Variants in TTN observed in about 807,000 individuals in gnomAD.
TTN encodes the protein titin, also known as connectin.
A neutral mutation model predicts 3,223.0 loss-of-function variants in TTN; 1,525 were observed. The observed-to-expected ratio is 0.47, with a 90% CI of 0.45 to 0.49. The LOEUF (loss-of-function observed/expected upper bound fraction) is 0.49, where lower values mean the gene tolerates loss of function less well. TTN is among the 20% of genes least tolerant of loss of function. The pLI is 0.00. For missense variants in TTN, 40,786 were observed against 43,424.0 expected (o/e 0.94, Z 5.40); for synonymous variants, 14,094 against 15,161.0 (o/e 0.93, Z 5.17).
At chr2:178,642,432 G>C in intron 218 of TTN, 115 bp from the exon 219 acceptor site, 1 of 820,274 alleles carries the variant, frequency 1.2e-6, no homozygotes, top group Non-Finnish European at 1.9e-6. Flanking sequence ...AACAATTTTC[G>C]CTGCATATAA....
chr2:178,676,573 A>G (rs1010477850), intron 147 of TTN, among the ~76,000 whole-genome samples: 4 of 151,850 alleles, frequency 2.6e-5, no homozygotes, highest in Non-Finnish European at 5.9e-5. Flanking sequence ...ACCTTACTTT[A>G]TTTAATTCTC....
At position 178,672,666 on chromosome 2, in the gene TTN, A is replaced by G. The variant is rs373476883; in HGVS notation, c.34824T>C (p.Pro11608=). ...CTGGGGGTGCCTCTTTTTTCTGAACAGGAACAGGTACTTTTTCCTCAGGAA... is the reference window on the plus strand; with the variant it reads ...CTGGGGGTGCCTCTTTTTTCTGAACGGGAACAGGTACTTTTTCCTCAGGAA... ...KKIPEEKVPV[P]VQKKEAPPAK... The change falls in exon 153 of 363, where the codon CCT becomes CCC. Residue 11608 remains proline (P), a synonymous_variant. Coordinates refer to ENST00000589042, the MANE Select transcript of TTN (RefSeq NM_001267550.2). 2.6e-5 allele frequency: 42 copies of G among 1,609,954 alleles called. No individual in the cohort carries two copies. The highest frequency in any genetic ancestry group is 4.0e-5 in the African/African-American group (3 of 74,780).
chr2:178,559,649 T>C lies in TTN; in HGVS notation c.86483A>G (p.Gln28828Arg), dbSNP rs1412211195. The change falls in exon 326 of 363, where the codon CAG (glutamine) becomes CGG (arginine). Residue 28828 changes from glutamine (Q) to arginine (R), a missense_variant. Coordinates refer to ENST00000589042, the MANE Select transcript of TTN (RefSeq NM_001267550.2). The stretch of plus-strand genomic sequence containing the variant: ...CAGTGAAGCAGCACTCAAAACATTC[T>C]GAATTGTTAATGTGTACTTTCCAGA... ...NDSGKYTLTI[Q>R]NVLSAASLTL... The C allele has an allele frequency of 1.2e-6, 2 of 1,613,538 alleles. No individual in the cohort carries two copies. The highest frequency in any genetic ancestry group is 4.5e-5 in the East Asian group (2 of 44,880).
chr2:178,756,099 G>A (rs1300869374), intron 46 of TTN, 123 bp downstream of exon 46: 1 of 745,878 alleles, frequency 1.3e-6, no homozygotes, highest in African/African-American at 1.8e-5. Context: ...AGTCACTTAT[G>A]AATAGGGTGC....
chr2:178,768,198 T>C, intron 38 of TTN, 43 bp from the exon 39 acceptor site: 1 of 1,596,178 alleles, frequency 6.3e-7, no homozygotes, highest in Non-Finnish European at 8.6e-7. Flanking sequence ...TTAACAGCTT[T>C]ATTGAGATAT....
chr2:178,696,316 A>G, intron 113 of TTN, 47 bp from the exon 114 acceptor site: 1 of 1,412,312 alleles, frequency 7.1e-7, no homozygotes, highest in Non-Finnish European at 9.3e-7. Context: ...TATCCATCCA[A>G]CTGCTTCACT....
At position 178,735,950 on chromosome 2, in the gene TTN, A is replaced by G. The variant is rs1261358878; in HGVS notation, c.14496T>C (p.Gly4832=). Residue 4832 remains glycine (G), a synonymous_variant, in exon 50 of 363, where the codon GGT becomes GGC. Transcript: ENST00000589042. ...PVIETIWQKD[G]AALSPSPNWR... The stretch of plus-strand genomic sequence containing the variant: ...AGTTAGGTGAAGGTGAGAGTGCAGC[A>G]CCATCTTTCTGCCAAATGGTTTCTA... 6.2e-7 allele frequency: 1 copy of G among 1,613,760 alleles called. No homozygotes were observed. Among genetic ancestry groups the G allele is most frequent in the African/African-American group, 1.3e-5 (1 of 74,922 alleles).
rs371580084 is a variant in TTN, at chr2:178,663,698, G to C, written c.36461C>G (p.Pro12154Arg). The C allele has an allele frequency of 3.8e-4, 616 of 1,613,520 alleles. No individual in the cohort carries two copies. The highest frequency in any genetic ancestry group is 5.8e-4 in the Admixed American group (35 of 59,958). The change falls in exon 171 of 363, where the codon CCC (proline) becomes CGC (arginine). Residue 12154 changes from proline (P) to arginine (R), a missense_variant. By Grantham distance (103) the Pro-to-Arg change is moderately radical (BLOSUM62 -2). Coordinates refer to ENST00000589042, the MANE Select transcript of TTN (RefSeq NM_001267550.2). The stretch of plus-strand genomic sequence containing the variant: ...TTTCTTTTCAGGAACTACTTCTTTG[G>C]GAGGCTCTGGTACTTAAAAGATATT... ...EVPPVKVPEP[P>R]KEVVPEKKAP...
At chr2:178,744,923 C>G (rs958494304) in intron 47 of TTN, 1 of 984,944 alleles carries the variant, frequency 1.0e-6, no homozygotes, top group East Asian at 1.1e-4. Context: ...CACAATTGGT[C>G]CCTTGAAGCC....
Position 178,592,523 on chromosome 2 carries a change from G to A in TTN, c.59482C>T (p.Pro19828Ser). 6.2e-7 allele frequency: 1 copy of A among 1,613,458 alleles called. No individual in the cohort carries two copies. The highest frequency in any genetic ancestry group is 8.5e-7 in the Non-Finnish European group (1 of 1,179,578). The change falls in exon 301 of 363, where the codon CCA becomes TCA. Residue 19828 changes from proline (P) to serine (S), a missense_variant. Physicochemically the swap from Pro to Ser is moderately conservative, Grantham distance 74 (BLOSUM62 -1). Coordinates refer to ENST00000589042, the MANE Select transcript of TTN (RefSeq NM_001267550.2). The part of the protein sequence containing the change: ...VTWKKEDRDA[P>S]TKARIDVTPV... Reference sequence around the variant, plus strand: ...GTCACATCAATTCTTGCTTTAGTTGGAGCATCTCTGTCTTCTTTTTTCCAA... The same window carrying A: ...GTCACATCAATTCTTGCTTTAGTTGAAGCATCTCTGTCTTCTTTTTTCCAA...
chr2:178,778,180 G>A (rs568575326), intron 24 of TTN: 1 of 674,518 alleles, frequency 1.5e-6, no homozygotes, highest in Non-Finnish European at 2.4e-6. Context: ...CTCAATTTTA[G>A]CTGGTAGTCA....
chr2:178,554,173 G>A lies in TTN; in HGVS notation c.88938C>T (p.Thr29646=), dbSNP rs1452745292. Residue 29646 remains threonine, a synonymous_variant, in exon 333 of 363, where the codon ACC becomes ACT. Coordinates refer to ENST00000589042, the MANE Select transcript of TTN (RefSeq NM_001267550.2). The part of the protein sequence containing the change: ...PPGIPEVTKI[T]KNSMTVVWSR... ...TCCATACAACAGTCATCGAATTCTTGGTAATCTTTGTCACTTCTGGTATGC... is the reference window on the plus strand; with the variant it reads ...TCCATACAACAGTCATCGAATTCTTAGTAATCTTTGTCACTTCTGGTATGC... 1 of 1,608,968 alleles carries A rather than the reference G, an allele frequency of 6.2e-7. No homozygotes were observed. The highest frequency in any genetic ancestry group is 1.7e-5 in the Admixed American group (1 of 59,200).
Position 178,593,242 on chromosome 2 carries a change from C to T in TTN, c.58966G>A (p.Ala19656Thr). Reference protein sequence around the residue: ...EGCQYEFRVSAENEIGIGDPS... With the variant: ...EGCQYEFRVSTENEIGIGDPS... Reference sequence around the variant, plus strand: ...TCTCCAATACCAATTTCATTTTCTGCAGAAACCCGGAATTCATACTGACAT... The same window carrying T: ...TCTCCAATACCAATTTCATTTTCTGTAGAAACCCGGAATTCATACTGACAT... Residue 19656 changes from alanine (A) to threonine (T), a missense_variant, in exon 299 of 363, where the codon GCA becomes ACA. Transcript: ENST00000589042. 1 of 1,613,396 alleles carries T rather than the reference C, an allele frequency of 6.2e-7. No homozygotes were observed. Among genetic ancestry groups the T allele is most frequent in the Non-Finnish European group, 8.5e-7 (1 of 1,179,590 alleles).
At position 178,543,582 on chromosome 2, in the gene TTN, T is replaced by C. The variant is rs567606606; in HGVS notation, c.96391A>G (p.Ile32131Val). 2 of 1,608,340 alleles carry C rather than the reference T, an allele frequency of 1.2e-6. No homozygotes were observed. Among genetic ancestry groups the C allele is most frequent in the South Asian group, 2.2e-5 (2 of 91,046 alleles). Residue 32131 changes from isoleucine (I) to valine (V), a missense_variant, in exon 347 of 363, where the codon ATT becomes GTT. By Grantham distance (29) the Ile-to-Val change is conservative. Transcript: ENST00000589042. ...TTGTTGACTGGAGCTCCACCATCAA[T>C]CGTGGGAATTTCCCAAGTTATAGTC... ...SVTITWEIPT[I>V]DGGAPVNNYI...
rs867275748 is a variant in TTN, at chr2:178,733,629, C to T, written c.15760G>A (p.Glu5254Lys). The T allele has an allele frequency of 6.2e-7, 1 of 1,611,610 alleles. No individual in the cohort carries two copies. The highest frequency in any genetic ancestry group is 8.5e-7 in the Non-Finnish European group (1 of 1,178,200). The stretch of plus-strand genomic sequence containing the variant: ...CTACACAAACCTTTAACTATTAATT[C>T]CCCAACAGATGTTTGGCTTCCAGCT... Reference protein sequence around the residue: ...NEAGSQTSVGELIVKEPAKII... With the variant: ...NEAGSQTSVGKLIVKEPAKII... Residue 5254 changes from glutamate (E) to lysine (K), a missense_variant, in exon 53 of 363, where the codon GAA becomes AAA. Physicochemically the swap from Glu to Lys is moderately conservative, Grantham distance 56 (BLOSUM62 1). Coordinates refer to ENST00000589042, the MANE Select transcript of TTN (RefSeq NM_001267550.2).
rs780348282 is a variant in TTN, at chr2:178,573,828, G to C, written c.72304C>G (p.Leu24102Val). 2 of 1,611,948 alleles carry C rather than the reference G, an allele frequency of 1.2e-6. No homozygotes were observed. Among genetic ancestry groups the C allele is most frequent in the South Asian group, 2.2e-5 (2 of 90,874 alleles). The change falls in exon 326 of 363, where the codon CTT (leucine) becomes GTT (valine). Residue 24102 changes from leucine to valine, a missense_variant. By Grantham distance (32) the Leu-to-Val change is conservative. Transcript: ENST00000589042. Reference sequence around the variant, plus strand: ...AAGCCACCAGGATTAGTCGCTGTAAGGGTATAGGCACCACTATCCCTTCTT... The same window carrying C: ...AAGCCACCAGGATTAGTCGCTGTAACGGTATAGGCACCACTATCCCTTCTT... ...STRRDSGAYT[L>V]TATNPGGFAK...
At chr2:178,683,162 G>A (rs1433884506) in intron 134 of TTN, 49 bp downstream of exon 134, 1 of 1,299,742 alleles carries the variant, frequency 7.7e-7, no homozygotes, top group South Asian at 1.3e-5. Flanking sequence ...AGAAGGCAAA[G>A]AGCCAGATAG....
At position 178,718,870 on chromosome 2, in the gene TTN, C is replaced by T. The variant is rs1257610216; in HGVS notation, c.24330G>A (p.Lys8110=). ...VIRGTPPFKV[K]WFKGSRELVP... ...CCAGTTCCCTGCTGCCTTTAAACCA[C>T]TTGACCTTGAAAGGAGGGGTGCCTC... Residue 8110 remains lysine, a synonymous_variant, in exon 84 of 363, where the codon AAG becomes AAA. Coordinates refer to ENST00000589042, the MANE Select transcript of TTN (RefSeq NM_001267550.2). The T allele has an allele frequency of 6.2e-7, 1 of 1,613,654 alleles. No homozygotes were observed. The highest frequency in any genetic ancestry group is 1.7e-5 in the Admixed American group (1 of 60,002).
Position 178,652,690 on chromosome 2 carries a change from C to A in TTN, c.39006G>T (p.Ser13002=), listed in dbSNP as rs548745743. The A allele has an allele frequency of 4.3e-4, 699 of 1,613,248 alleles. 11 individuals are homozygous for A. The South Asian group carries it at 7.3e-3, about 17-fold the overall frequency. ...KEVVPEKKVP[S]APPKKPEVPP... ...GGACTTCAGGCTTTTTAGGAGGAGCCGAGGGCACTTTCTTTTCAGGAACAA... is the reference window on the plus strand; with the variant it reads ...GGACTTCAGGCTTTTTAGGAGGAGCAGAGGGCACTTTCTTTTCAGGAACAA... Residue 13002 remains serine (S), a synonymous_variant, in exon 201 of 363, where the codon TCG becomes TCT. Transcript: ENST00000589042.
Sources: gnomAD v4.1 joint callset for allele counts (sites outside exome capture counted in the v4.1 genomes callset) on GRCh38, gnomAD v4.1.1 for gene constraint, MANE v1.5 for transcripts, NCBI Gene and HGNC (gene_info 2026-07-23, HGNC 2026-07-21) for gene names.